The following TMEM131L variants were observed in gnomAD, a reference collection of about 807,000 sequenced individuals.
TMEM131L encodes transmembrane 131 like, also known as transmembrane protein 131-like.
In TMEM131L, 54 loss-of-function variants were observed where a neutral mutation model predicts 192.2. The ratio of observed to expected loss-of-function variants is 0.28; its 90% CI spans 0.23 to 0.35. The LOEUF is 0.35. Ranked by LOEUF, TMEM131L falls within the 10% of genes least tolerant of loss-of-function variation. The probability of loss-of-function intolerance (pLI) is 1.00; values close to 1 mark genes in which losing one functional copy is unlikely to be tolerated. For missense variants in TMEM131L, 1,888 were observed against 1,972.9 expected (o/e 0.96, Z 0.82); for synonymous variants, 701 against 704.9 (o/e 0.99, Z 0.09).
At chr4:153,600,521 A>T (rs1731766358) in intron 21 of TMEM131L, among the ~76,000 whole-genome samples, 2 of 152,266 alleles carry the variant, frequency 1.3e-5, no homozygotes, top group Non-Finnish European at 2.9e-5. Flanking sequence ...GGAAAATTTT[A>T]AAATTATGCA....
chr4:153,575,993 G>A (rs1308943508), intron 7 of TMEM131L, among the ~76,000 whole-genome samples: 6 of 150,694 alleles, frequency 4.0e-5, no homozygotes, highest in Non-Finnish European at 8.9e-5. Context: ...GAAGTCTCAC[G>A]CTGTTGCCCA....
At chr4:153,556,859 A>G in intron 5 of TMEM131L, 107 bp from the exon 6 acceptor site, 3 of 640,458 alleles carry the variant, frequency 4.7e-6, no homozygotes, top group Non-Finnish European at 8.5e-6. Context: ...AAGGGTGCAC[A>G]ATATACAAAT....
intron 2 of TMEM131L, among the ~76,000 whole-genome samples, chr4:153,471,529 G>C (rs1047757978): frequency 2.0e-5 from 3 of 152,138 alleles, no homozygotes; most frequent in African/African-American, 7.2e-5. Flanking sequence ...TGCCTTAAAT[G>C]GTTATTTCCT....
At chr4:153,575,830 CGTGTCCTGT>C (rs1217511800) in intron 7 of TMEM131L, among the ~76,000 whole-genome samples, 4 of 152,146 alleles carry the variant, frequency 2.6e-5, no homozygotes, top group Admixed American at 6.5e-5. Context: ...TGGATGAGGG[CGTGTCCTGT>C]TGTCACACAG....
intron 25 of TMEM131L, among the ~76,000 whole-genome samples, chr4:153,610,737 C>G (rs1469132270): frequency 1.3e-5 from 2 of 152,152 alleles, no homozygotes; most frequent in Non-Finnish European, 2.9e-5. Context: ...GACTTGACTG[C>G]TCCTTTCCTT....
chr4:153,584,227 T>C (rs866027394), intron 11 of TMEM131L, among the ~76,000 whole-genome samples: 1 of 152,174 alleles, frequency 6.6e-6, no homozygotes. Flanking sequence ...TGTGTACTTA[T>C]ACATGCACAG....
intron 29 of TMEM131L, 79 bp downstream of exon 29, chr4:153,623,162 G>A (rs1398788432): frequency 2.1e-5 from 28 of 1,331,482 alleles, no homozygotes; most frequent in South Asian, 3.0e-5. Flanking sequence ...ACACAGTCTC[G>A]ATCTGCCTTC....
At chr4:153,615,207 T>C (rs1053586129) in intron 26 of TMEM131L, among the ~76,000 whole-genome samples, 1 of 152,246 alleles carries the variant, frequency 6.6e-6, no homozygotes, top group African/African-American at 2.4e-5. Context: ...GAAGATTAAA[T>C]GGGCTAATTG....
intron 14 of TMEM131L, among the ~76,000 whole-genome samples, chr4:153,587,026 A>AT (rs929547066): frequency 5.9e-5 from 9 of 151,676 alleles, no homozygotes; most frequent in Non-Finnish European, 1.3e-4. Context: ...AACCATCTTT[A>AT]TTTTTTTTCT....
chr4:153,521,431 G>T (rs181234997), intron 3 of TMEM131L, among the ~76,000 whole-genome samples: 17 of 152,290 alleles, frequency 1.1e-4, no homozygotes, highest in African/African-American at 3.4e-4. Context: ...GAAAGGACAC[G>T]TGCTGTTAAA....
chr4:153,530,346 G>C (rs1270128930), intron 3 of TMEM131L, among the ~76,000 whole-genome samples: 1 of 152,112 alleles, frequency 6.6e-6, no homozygotes, highest in African/African-American at 2.4e-5. Context: ...ATCTAGACAG[G>C]CTGCATTATG....
At chr4:153,603,033 G>T (rs1314134691) in intron 23 of TMEM131L, among the ~76,000 whole-genome samples, 1 of 152,180 alleles carries the variant, frequency 6.6e-6, no homozygotes, top group Non-Finnish European at 1.5e-5. Flanking sequence ...ATGCAGTGAT[G>T]ATTTGAGATT....
intron 3 of TMEM131L, among the ~76,000 whole-genome samples, chr4:153,502,564 A>G (rs953550568): frequency 6.6e-5 from 10 of 152,260 alleles, no homozygotes; most frequent in Non-Finnish European, 1.3e-4. Context: ...TCATTAAACC[A>G]TAGAAGCTTT....
At position 153,623,098 on chromosome 4, in the gene TMEM131L, G is replaced by T; in HGVS notation, c.4045+15G>T. The T allele has an allele frequency of 6.4e-7, 1 of 1,567,696 alleles. No homozygotes were observed. Among genetic ancestry groups the T allele is most frequent in the Non-Finnish European group, 8.6e-7 (1 of 1,160,352 alleles). On this transcript the variant is annotated intron_variant, in intron 29 of 34. Coordinates refer to ENST00000409959, the MANE Select transcript of TMEM131L (RefSeq NM_001131007.2). ...CCTGCCGGCCGGTGAGTCCTGAGCA[G>T]AGCCCCAGGCACTCTCGGTGGCCCT...
intron 3 of TMEM131L, among the ~76,000 whole-genome samples, chr4:153,505,021 C>T (rs1733891813): frequency 6.6e-6 from 1 of 152,012 alleles, no homozygotes; most frequent in Non-Finnish European, 1.5e-5. Flanking sequence ...GCTCCTTGGC[C>T]TTTAGATGAC....
At chr4:153,525,059 C>T (rs148168033) in intron 3 of TMEM131L, among the ~76,000 whole-genome samples, 10 of 152,232 alleles carry the variant, frequency 6.6e-5, no homozygotes, top group African/African-American at 2.4e-4. Flanking sequence ...GTGAAGCATA[C>T]GTAATGATGC....
At chr4:153,477,104 CCTTTA>C (rs1297893956) in intron 3 of TMEM131L, among the ~76,000 whole-genome samples, 1 of 152,028 alleles carries the variant, frequency 6.6e-6, no homozygotes, top group East Asian at 1.9e-4. Flanking sequence ...CGGGACAGAT[CCTTTA>C]CTTGTTGAAT....
At chr4:153,588,359 A>G (rs1730843467) in intron 15 of TMEM131L, among the ~76,000 whole-genome samples, 1 of 137,758 alleles carries the variant, frequency 7.3e-6, no homozygotes, top group African/African-American at 2.8e-5. Flanking sequence ...TTTTTTAAAG[A>G]TTCCCACCTC....
chr4:153,485,894 C>T lies in TMEM131L; in HGVS notation c.239+12006C>T, dbSNP rs1645773247. 3.9e-5 allele frequency among the ~76,000 whole-genome samples: 6 copies of T among 152,130 alleles called. No individual in the cohort carries two copies. The South Asian group carries it at 1.2e-3, about 32-fold the overall frequency. On this transcript the variant is annotated intron_variant, in intron 3 of 34. Coordinates refer to ENST00000409959, the MANE Select transcript of TMEM131L (RefSeq NM_001131007.2). Reference sequence around the variant, plus strand: ...CCAGGTGGATATGTGGTAGTATTCCCATTTTATAGATGAGGAGACAGGTTC... The same window carrying T: ...CCAGGTGGATATGTGGTAGTATTCCTATTTTATAGATGAGGAGACAGGTTC...
Sources: allele counts gnomAD v4.1 joint callset (sites outside exome capture counted in the v4.1 genomes callset), GRCh38; gene constraint gnomAD v4.1.1; transcripts MANE v1.5; gene names NCBI Gene and HGNC (gene_info 2026-07-23, HGNC 2026-07-21).